The following GRM5 variants were observed in gnomAD, a reference collection of about 807,000 sequenced individuals.
GRM5 encodes metabotropic glutamate receptor 5.
In GRM5, 19 loss-of-function variants were observed where a neutral mutation model predicts 83.1. That is an observed-to-expected ratio of 0.23 (90% CI 0.16 to 0.34). The LOEUF (loss-of-function observed/expected upper bound fraction) is 0.34, where lower values mean the gene tolerates loss of function less well. GRM5 is among the 10% of genes least tolerant of loss of function. The pLI is 1.00. For synonymous variants in GRM5, 675 were observed against 633.6 expected (o/e 1.07, Z -0.98); for missense variants, 1,160 against 1,588.3 (o/e 0.73, Z 4.58).
At chr11:88,705,378 A>G (rs1199689107) in intron 3 of GRM5, among the ~76,000 whole-genome samples, 1 of 152,062 alleles carries the variant, frequency 6.6e-6, no homozygotes, top group Non-Finnish European at 1.5e-5. Context: ...GGACTTGACC[A>G]TTCCTTTAGG....
intron 3 of GRM5, among the ~76,000 whole-genome samples, chr11:88,835,853 A>C (rs1392752497): frequency 6.6e-6 from 1 of 152,218 alleles, no homozygotes; most frequent in Non-Finnish European, 1.5e-5. Flanking sequence ...AGGTAGTTCA[A>C]ATGCATTGCC....
intron 3 of GRM5, among the ~76,000 whole-genome samples, chr11:88,691,552 C>T (rs1940780613): frequency 6.6e-6 from 1 of 152,166 alleles, no homozygotes; most frequent in Non-Finnish European, 1.5e-5. Flanking sequence ...ACCTCCTGAT[C>T]ATACTTCTCA....
intron 2 of GRM5, among the ~76,000 whole-genome samples, chr11:88,950,829 G>T (rs1938436329): frequency 6.6e-6 from 1 of 152,148 alleles, no homozygotes; most frequent in Admixed American, 6.6e-5. Context: ...TGCCTCACAT[G>T]TCTGACCCAA....
intron 3 of GRM5, among the ~76,000 whole-genome samples, chr11:88,788,812 A>G (rs1281161671): frequency 6.6e-6 from 1 of 152,208 alleles, no homozygotes; most frequent in Non-Finnish European, 1.5e-5. Context: ...ATTTTCCAAA[A>G]TACATTAAGT....
At chr11:89,039,274 A>T (rs1022157638) in intron 2 of GRM5, among the ~76,000 whole-genome samples, 6 of 149,658 alleles carry the variant, frequency 4.0e-5, no homozygotes, top group African/African-American at 1.5e-4. Context: ...CAAAATAAAA[A>T]AAAAATATAT....
chr11:89,056,172 AGAT>A (rs529670472), intron 1 of GRM5, among the ~76,000 whole-genome samples: 143 of 152,324 alleles, frequency 9.4e-4, no homozygotes, highest in African/African-American at 3.2e-3. Context: ...AATTATTTAA[AGAT>A]GATATTTCTG....
chr11:88,962,488 A>G (rs796963225), intron 2 of GRM5, among the ~76,000 whole-genome samples: 2 of 152,296 alleles, frequency 1.3e-5, no homozygotes, highest in African/African-American at 4.8e-5. Context: ...ACATATCTGT[A>G]TATTGAAACC....
intron 7 of GRM5, among the ~76,000 whole-genome samples, chr11:88,573,458 A>T (rs565420332): frequency 6.6e-6 from 1 of 152,166 alleles, no homozygotes; most frequent in Admixed American, 6.6e-5. Context: ...GAGATGCCTG[A>T]TGTTCTGTAA....
At chr11:88,978,286 T>C (rs1188867237) in intron 2 of GRM5, among the ~76,000 whole-genome samples, 1 of 152,018 alleles carries the variant, frequency 6.6e-6, no homozygotes, top group Non-Finnish European at 1.5e-5. Context: ...AAATGATGGA[T>C]ATATTTATGG....
intron 3 of GRM5, among the ~76,000 whole-genome samples, chr11:88,673,314 A>G (rs201033030): frequency 4.6e-5 from 7 of 151,882 alleles, no homozygotes; most frequent in Admixed American, 4.6e-4. Flanking sequence ...CTAATATTCT[A>G]TGGAGTATGA....
chr11:88,809,154 C>A (rs1347143638), intron 3 of GRM5, among the ~76,000 whole-genome samples: 2 of 151,974 alleles, frequency 1.3e-5, no homozygotes, highest in East Asian at 1.9e-4. Context: ...AAAGCATTAT[C>A]TCATATATTT....
At chr11:88,904,418 G>A (rs1012055623) in intron 2 of GRM5, among the ~76,000 whole-genome samples, 1 of 152,098 alleles carries the variant, frequency 6.6e-6, no homozygotes, top group Non-Finnish European at 1.5e-5. Context: ...AACTTCCAAT[G>A]GGTGACAGCA....
intron 3 of GRM5, among the ~76,000 whole-genome samples, chr11:88,844,998 A>G (rs1944273108): frequency 2.6e-5 from 4 of 152,252 alleles, no homozygotes; most frequent in Admixed American, 6.5e-5. Context: ...AATGACAACA[A>G]AGAATTTAGA....
At chr11:88,893,095 G>A (rs116463639) in intron 2 of GRM5, among the ~76,000 whole-genome samples, 1 of 150,614 alleles carries the variant, frequency 6.6e-6, no homozygotes, top group African/African-American at 2.4e-5. Context: ...TTCCACTGCT[G>A]TAGTATTTTG....
At chr11:89,037,176 GT>G (rs1941409670) in intron 2 of GRM5, among the ~76,000 whole-genome samples, 1 of 152,050 alleles carries the variant, frequency 6.6e-6, no homozygotes, top group Non-Finnish European at 1.5e-5. Context: ...CTGTGTATGT[GT>G]GGGGGGGAGT....
At chr11:88,516,418 T>C (rs2135088805) in intron 9 of GRM5, among the ~76,000 whole-genome samples, 1 of 152,166 alleles carries the variant, frequency 6.6e-6, no homozygotes, top group Admixed American at 6.5e-5. Flanking sequence ...GTGCCCCAGG[T>C]TTTGCCCATA....
chr11:88,597,121 C>T, intron 6 of GRM5, 63 bp downstream of exon 6: 1 of 1,032,196 alleles, frequency 9.7e-7, no homozygotes, highest in East Asian at 2.6e-5. Context: ...TTAAAAATAG[C>T]CAATGATAGT....
chr11:88,683,785 G>A (rs1940553592), intron 3 of GRM5, among the ~76,000 whole-genome samples: 1 of 152,164 alleles, frequency 6.6e-6, no homozygotes, highest in African/African-American at 2.4e-5. Context: ...TCCAGGTACT[G>A]GCAATATATG....
At chr11:88,943,619 T>C (rs376141162) in intron 2 of GRM5, among the ~76,000 whole-genome samples, 22 of 152,078 alleles carry the variant, frequency 1.4e-4, no homozygotes, top group African/African-American at 4.8e-5. Context: ...AAGTGGGAAC[T>C]CTTGATGCCT....
Sources: gnomAD v4.1 joint callset for allele counts (sites outside exome capture counted in the v4.1 genomes callset) on GRCh38, gnomAD v4.1.1 for gene constraint, MANE v1.5 for transcripts, NCBI Gene and HGNC (gene_info 2026-07-23, HGNC 2026-07-21) for gene names.